FNDC3B: variants seen among roughly 807,000 people sequenced by gnomAD.
FNDC3B encodes the protein fibronectin type III domain containing 3B, also known as fibronectin type III domain-containing protein 3B.
Under a neutral mutation model 151.5 loss-of-function variants are expected in FNDC3B, and 12 were observed. The ratio of observed to expected loss-of-function variants is 0.08; its 90% CI spans 0.05 to 0.13. The LOEUF (loss-of-function observed/expected upper bound fraction) is 0.13. FNDC3B is among the 10% of genes least tolerant of loss of function. The probability of loss-of-function intolerance (pLI) is 1.00; values close to 1 mark genes in which losing one functional copy is unlikely to be tolerated. For synonymous variants in FNDC3B, 528 were observed against 549.0 expected, an observed-to-expected ratio of 0.96 and a Z score of 0.54; for missense variants, 1,214 against 1,505.3, an observed-to-expected ratio of 0.81 and a Z score of 3.20.
intron 25 of FNDC3B, among the ~76,000 whole-genome samples, chr3:172,390,473 A>G (rs1441409644): frequency 6.6e-6 from 1 of 151,998 alleles, no homozygotes; most frequent in African/African-American, 2.4e-5. Context: ...TAAAATTAAT[A>G]TATGAAGTCT....
intron 24 of FNDC3B, among the ~76,000 whole-genome samples, chr3:172,380,427 T>C (rs893724317): frequency 6.6e-6 from 1 of 152,202 alleles, no homozygotes; most frequent in Non-Finnish European, 1.5e-5. Flanking sequence ...TCCCCAGGAC[T>C]GTTCTCACAT....
intron 21 of FNDC3B, among the ~76,000 whole-genome samples, chr3:172,348,673 T>G (rs967248343): frequency 3.3e-5 from 5 of 152,250 alleles, no homozygotes; most frequent in Non-Finnish European, 7.3e-5. Flanking sequence ...CTATGTTGTC[T>G]TAGCATTGAC....
intron 3 of FNDC3B, among the ~76,000 whole-genome samples, chr3:172,201,054 T>G (rs183161341): frequency 3.7e-4 from 56 of 152,302 alleles, no homozygotes; most frequent in African/African-American, 1.3e-3. Context: ...ACCAACTTCT[T>G]TATGGATTTG....
At chr3:172,384,843 C>T (rs1391225815) in intron 25 of FNDC3B, among the ~76,000 whole-genome samples, 1 of 152,168 alleles carries the variant, frequency 6.6e-6, no homozygotes, top group African/African-American at 2.4e-5. Context: ...TATACTAATG[C>T]ATAATCATAT....
chr3:172,050,068 G>T (rs1377448573), intron 1 of FNDC3B, among the ~76,000 whole-genome samples: 1 of 151,978 alleles, frequency 6.6e-6, no homozygotes, highest in Non-Finnish European at 1.5e-5. Flanking sequence ...TGCATAGTAG[G>T]TTCTGCTCCC....
At chr3:172,209,120 A>C (rs1248501050) in intron 3 of FNDC3B, among the ~76,000 whole-genome samples, 1 of 84,778 alleles carries the variant, frequency 1.2e-5, no homozygotes, top group Non-Finnish European at 2.3e-5. Context: ...GTGCGCAGTG[A>C]GCGGGGGTGG....
At chr3:172,262,260 G>A (rs1250646629) in intron 6 of FNDC3B, among the ~76,000 whole-genome samples, 2 of 152,204 alleles carry the variant, frequency 1.3e-5, no homozygotes, top group African/African-American at 2.4e-5. Context: ...AGAGGGGTTG[G>A]GTGGAGACGG....
intron 11 of FNDC3B, among the ~76,000 whole-genome samples, chr3:172,315,929 C>T (rs1731759256): frequency 6.6e-6 from 1 of 151,928 alleles, no homozygotes; most frequent in African/African-American, 2.4e-5. Context: ...TTTGACTGCC[C>T]ATCTTTTTTG....
At chr3:172,153,072 C>T (rs933266461) in intron 3 of FNDC3B, among the ~76,000 whole-genome samples, 5 of 152,206 alleles carry the variant, frequency 3.3e-5, no homozygotes, top group Admixed American at 6.5e-5. Context: ...TCATGGGTGT[C>T]GGGACCGCTG....
chr3:172,387,141 G>A (rs1291040693), intron 25 of FNDC3B, among the ~76,000 whole-genome samples: 1 of 152,040 alleles, frequency 6.6e-6, no homozygotes, highest in East Asian at 1.9e-4. Context: ...ATTTTTAGTA[G>A]AGACGGGATT....
At chr3:172,194,821 T>C (rs2108679264) in intron 3 of FNDC3B, among the ~76,000 whole-genome samples, 1 of 152,316 alleles carries the variant, frequency 6.6e-6, no homozygotes, top group Non-Finnish European at 1.5e-5. Flanking sequence ...GCCTCAACTC[T>C]GGTGGGTAAC....
intron 24 of FNDC3B, among the ~76,000 whole-genome samples, 187 bp from the exon 25 acceptor site, chr3:172,380,779 G>A (rs972019305): frequency 6.6e-6 from 1 of 152,228 alleles, no homozygotes; most frequent in Non-Finnish European, 1.5e-5. Flanking sequence ...TTTAGTCATG[G>A]AGTAACTTCT....
chr3:172,125,433 ATGG>A (rs1720765933), intron 2 of FNDC3B, among the ~76,000 whole-genome samples: 1 of 152,104 alleles, frequency 6.6e-6, no homozygotes, highest in African/African-American at 2.4e-5. Flanking sequence ...TTGCTGAGAG[ATGG>A]TGGTGGCCAG....
chr3:172,179,385 T>C (rs929629119), intron 3 of FNDC3B, among the ~76,000 whole-genome samples: 1 of 152,108 alleles, frequency 6.6e-6, no homozygotes, highest in African/African-American at 2.4e-5. Context: ...ACTATTATGC[T>C]CAAGGTAAAT....
chr3:172,289,393 A>C (rs1730200697), intron 7 of FNDC3B, among the ~76,000 whole-genome samples: 1 of 146,532 alleles, frequency 6.8e-6, no homozygotes, highest in Admixed American at 6.7e-5. Flanking sequence ...ACTTGGTCAC[A>C]CCTTCAAAGT....
chr3:172,174,049 G>A (rs1171303095), intron 3 of FNDC3B, among the ~76,000 whole-genome samples: 1 of 152,164 alleles, frequency 6.6e-6, no homozygotes, highest in Non-Finnish European at 1.5e-5. Context: ...CGGGAAATGT[G>A]TCTGTACTCT....
chr3:172,187,137 C>T (rs780203381), intron 3 of FNDC3B: 4 of 182,166 alleles, frequency 2.2e-5, no homozygotes, highest in Non-Finnish European at 4.5e-5. Flanking sequence ...TTCTTTTCCC[C>T]ATATCCTAGT....
chr3:172,140,087 G>T (rs1232525170), intron 3 of FNDC3B, among the ~76,000 whole-genome samples: 1 of 152,160 alleles, frequency 6.6e-6, no homozygotes, highest in Admixed American at 6.5e-5. Flanking sequence ...ATTTGCCAAG[G>T]CTAGCCCTAG....
At chr3:172,143,364 C>A (rs1019490700) in intron 3 of FNDC3B, among the ~76,000 whole-genome samples, 1 of 152,060 alleles carries the variant, frequency 6.6e-6, no homozygotes, top group Non-Finnish European at 1.5e-5. Context: ...TCATTATATT[C>A]ATGCTTTTAA....
Sources: allele counts gnomAD v4.1 joint callset (sites outside exome capture counted in the v4.1 genomes callset), GRCh38; gene constraint gnomAD v4.1.1; transcripts MANE v1.5; gene names NCBI Gene and HGNC (gene_info 2026-07-23, HGNC 2026-07-21).